STAG1: variants seen among roughly 807,000 people sequenced by gnomAD.
STAG1 encodes cohesin subunit SA-1.
STAG1 carries 26 observed loss-of-function variants against 170.9 expected under a neutral mutation model. That is an observed-to-expected ratio of 0.15 (90% CI 0.11 to 0.21). The LOEUF is 0.21. Ranked by LOEUF, STAG1 falls within the 10% of genes least tolerant of loss-of-function variation. The pLI, the probability that STAG1 is intolerant of heterozygous loss-of-function variation, is 1.00. For synonymous variants in STAG1, 514 were observed against 497.7 expected, an observed-to-expected ratio of 1.03 and a Z score of -0.44; for missense variants, 964 against 1,509.5, an observed-to-expected ratio of 0.64 and a Z score of 5.99.
In STAG1 at chr3:136,670,831, T is replaced by C. The variant is rs147211550; in HGVS notation, c.-83-39850A>G. 6.1e-3 allele frequency among the ~76,000 whole-genome samples: 923 copies of C among 152,304 alleles called. 15 individuals carry two copies. Among genetic ancestry groups the C allele is most frequent in the Admixed American group, 0.032 (482 of 15,296 alleles). On this transcript the variant is annotated intron_variant, in intron 1 of 33. Transcript: ENST00000383202. ...GTAAAATCATCTATATTAACACATG[T>C]TGAAATACATGTTAGCTGACACCAC...
intron 1 of STAG1, among the ~76,000 whole-genome samples, chr3:136,673,244 T>C (rs1942032157): frequency 6.6e-6 from 1 of 152,220 alleles, no homozygotes; most frequent in Non-Finnish European, 1.5e-5. Context: ...GAAGAATACG[T>C]AGCAAAGGGT....
intron 22 of STAG1, among the ~76,000 whole-genome samples, 188 bp downstream of exon 22, chr3:136,398,561 G>A (rs2087233479): frequency 6.6e-6 from 1 of 151,646 alleles, no homozygotes; most frequent in Non-Finnish European, 1.5e-5. Context: ...TGAAGATTTT[G>A]GCTCTTCCCA....
chr3:136,401,447 T>C (rs1469980556), intron 21 of STAG1, among the ~76,000 whole-genome samples: 1 of 152,238 alleles, frequency 6.6e-6, no homozygotes, highest in East Asian at 1.9e-4. Context: ...ACAATGTTAT[T>C]AGATATTCTG....
At chr3:136,579,375 A>C (rs1314203891) in intron 4 of STAG1, among the ~76,000 whole-genome samples, 4 of 147,322 alleles carry the variant, frequency 2.7e-5, no homozygotes, top group Non-Finnish European at 6.0e-5. Flanking sequence ...CTGTGGATTC[A>C]GGAATCTGAA....
At chr3:136,538,611 G>T (rs1416548932) in intron 6 of STAG1, among the ~76,000 whole-genome samples, 1 of 151,944 alleles carries the variant, frequency 6.6e-6, no homozygotes, top group African/African-American at 2.4e-5. Flanking sequence ...TAGAGACAGG[G>T]TTTCAGCATA....
intron 9 of STAG1, among the ~76,000 whole-genome samples, chr3:136,480,898 A>T (rs1363392181): frequency 7.0e-6 from 1 of 142,922 alleles, no homozygotes; most frequent in South Asian, 2.4e-4. Flanking sequence ...GTTGGTGTAT[A>T]AGAATGCTTG....
chr3:136,478,466 A>G (rs758945202), intron 9 of STAG1, among the ~76,000 whole-genome samples: 10 of 152,224 alleles, frequency 6.6e-5, no homozygotes, highest in Non-Finnish European at 1.3e-4. Flanking sequence ...AATATTAACT[A>G]TAATATCATA....
At chr3:136,607,975 G>T (rs377426339) in intron 3 of STAG1, among the ~76,000 whole-genome samples, 32 of 151,922 alleles carry the variant, frequency 2.1e-4, no homozygotes, top group East Asian at 1.4e-3. Flanking sequence ...CACACTGGTT[G>T]GCCGGGCACA....
intron 30 of STAG1, among the ~76,000 whole-genome samples, chr3:136,343,095 G>C (rs1249338075): frequency 1.3e-5 from 2 of 152,180 alleles, no homozygotes; most frequent in African/African-American, 2.4e-5. Context: ...AATTTGTTGA[G>C]TTCAAATGAG....
intron 4 of STAG1, among the ~76,000 whole-genome samples, chr3:136,584,356 T>C (rs1312942932): frequency 2.6e-5 from 4 of 152,222 alleles, no homozygotes; most frequent in Non-Finnish European, 5.9e-5. Flanking sequence ...CCTTGGAATA[T>C]TACAGTACTT....
intron 2 of STAG1, among the ~76,000 whole-genome samples, chr3:136,625,542 G>A (rs932814842): frequency 1.3e-5 from 2 of 152,102 alleles, no homozygotes; most frequent in African/African-American, 4.8e-5. Context: ...ACTGATTTAA[G>A]TTATGCATAC....
chr3:136,708,612 T>C (rs1266777273), intron 1 of STAG1, among the ~76,000 whole-genome samples: 1 of 152,170 alleles, frequency 6.6e-6, no homozygotes, highest in Non-Finnish European at 1.5e-5. Flanking sequence ...TAAATATATG[T>C]TATGTGAATT....
intron 4 of STAG1, among the ~76,000 whole-genome samples, chr3:136,592,925 C>T (rs757968193): frequency 6.6e-6 from 1 of 152,192 alleles, no homozygotes; most frequent in African/African-American, 2.4e-5. Flanking sequence ...TTGTAGTGCA[C>T]AACTTTGTCT....
intron 13 of STAG1, 148 bp downstream of exon 13, chr3:136,464,733 T>C (rs1006478081): frequency 5.2e-6 from 3 of 577,028 alleles, no homozygotes; most frequent in Middle Eastern, 2.9e-4. Flanking sequence ...CATGTATACA[T>C]AGGCTGTGAG....
intron 15 of STAG1, among the ~76,000 whole-genome samples, chr3:136,440,239 A>C (rs1213879479): frequency 6.6e-6 from 1 of 151,928 alleles, no homozygotes; most frequent in Non-Finnish European, 1.5e-5. Flanking sequence ...CCGGGTTTAC[A>C]CCATTCTCCT....
At chr3:136,715,124 T>C (rs1255209564) in intron 1 of STAG1, among the ~76,000 whole-genome samples, 1 of 146,514 alleles carries the variant, frequency 6.8e-6, no homozygotes, top group East Asian at 2.0e-4. Flanking sequence ...GGTGCTGACA[T>C]TCTGGTTCTT....
At chr3:136,388,399 C>T (rs1201979085) in intron 22 of STAG1, among the ~76,000 whole-genome samples, 2 of 152,114 alleles carry the variant, frequency 1.3e-5, no homozygotes, top group African/African-American at 2.4e-5. Context: ...GATGGAGTCT[C>T]GCTCTGTTGC....
rs1559802083 is a variant in STAG1, at chr3:136,439,443, A to ACACACACACAC, written c.1546+3843_1546+3844insGTGTGTGTGTG. 1.0e-3 allele frequency among the ~76,000 whole-genome samples: 45 copies of ACACACACACAC among 44,904 alleles called. 2 individuals carry two copies. The highest frequency in any genetic ancestry group is 2.1e-3 in the Admixed American group (11 of 5,146). The allele number at this position is 44,904 out of a possible 152,430, so 29.5% of individuals were successfully genotyped here. On this transcript the variant is annotated intron_variant, in intron 15 of 33. Transcript: ENST00000383202. ...ACACACACACACACACACACACACA[A>ACACACACACAC]ACACTGTAAGACAGTCTTAAGGCCA...
At chr3:136,443,650 A>G (rs2088694756) in intron 14 of STAG1, among the ~76,000 whole-genome samples, 1 of 152,220 alleles carries the variant, frequency 6.6e-6, no homozygotes, top group South Asian at 2.1e-4. Flanking sequence ...GACATCATTT[A>G]TAGATGAGGA....
Sources: allele counts gnomAD v4.1 joint callset (sites outside exome capture counted in the v4.1 genomes callset), GRCh38; gene constraint gnomAD v4.1.1; transcripts MANE v1.5; gene names NCBI Gene and HGNC (gene_info 2026-07-23, HGNC 2026-07-21).